Variants in L3MBTL3 observed in about 807,000 individuals in gnomAD.
The protein encoded by L3MBTL3 is L3MBTL histone methyl-lysine binding protein 3.
L3MBTL3 carries 27 observed loss-of-function variants against 102.3 expected under a neutral mutation model. The observed-to-expected ratio is 0.26, with a 90% CI of 0.19 to 0.36. The LOEUF (loss-of-function observed/expected upper bound fraction) is 0.36, where lower values mean the gene tolerates loss of function less well. Among genes scored for constraint, L3MBTL3 ranks in the 10% least tolerant of loss-of-function variants. The pLI is 1.00. For missense variants in L3MBTL3, 798 were observed against 955.3 expected, an observed-to-expected ratio of 0.84 and a Z score of 2.17; for synonymous variants, 340 against 320.9, an observed-to-expected ratio of 1.06 and a Z score of -0.64.
intron 20 of L3MBTL3, among the ~76,000 whole-genome samples, chr6:130,123,526 C>A (rs1473075064): frequency 6.6e-6 from 1 of 152,122 alleles, no homozygotes; most frequent in Admixed American, 6.6e-5. Context: ...TTTACTGTCT[C>A]ATCCAGCTGT....
chr6:130,080,299 A>T (rs1384377915), intron 14 of L3MBTL3, among the ~76,000 whole-genome samples: 1 of 151,914 alleles, frequency 6.6e-6, no homozygotes, highest in Non-Finnish European at 1.5e-5. Context: ...TAATGGTTTC[A>T]TGGTGCCAAA....
intron 19 of L3MBTL3, among the ~76,000 whole-genome samples, chr6:130,115,668 AAAAG>A (rs1401234236): frequency 1.3e-5 from 2 of 152,238 alleles, no homozygotes; most frequent in African/African-American, 2.4e-5. Flanking sequence ...ATTACAGAGA[AAAAG>A]AAAATACTGA....
Position 130,042,283 on chromosome 6 carries a change from T to G in L3MBTL3, c.-15-402T>G, listed in dbSNP as rs555864656. Among the ~76,000 whole-genome samples, 64 of 152,304 alleles carry G rather than the reference T, an allele frequency of 4.2e-4. 2 individuals are homozygous for G. The South Asian group carries it at 0.012, about 30-fold the overall frequency. ...TTTCCTATTTCCTAGAATAACAAATTGGCAGATTATCATTTATCCATACCT... is the reference window on the plus strand; with the variant it reads ...TTTCCTATTTCCTAGAATAACAAATGGGCAGATTATCATTTATCCATACCT... On this transcript the variant is annotated intron_variant, in intron 2 of 22. Transcript: ENST00000361794.
chr6:130,099,072 C>T lies in L3MBTL3; in HGVS notation c.1736+4705C>T, dbSNP rs552442897. Among the ~76,000 whole-genome samples the T allele has an allele frequency of 5.3e-5, 8 of 151,862 alleles. No individual in the cohort carries two copies. The South Asian group carries it at 8.3e-4, about 16-fold the overall frequency. ...ATTGGAGAACAGTGAATAAGGCATCCTTCTACCACACCTAATGAGCTGGAC... is the reference window on the plus strand; with the variant it reads ...ATTGGAGAACAGTGAATAAGGCATCTTTCTACCACACCTAATGAGCTGGAC... On this transcript the variant is annotated intron_variant, in intron 18 of 22. Transcript: ENST00000361794.
At chr6:130,068,185 A>G (rs1782391044) in intron 11 of L3MBTL3, 145 bp from the exon 12 acceptor site, 1 of 554,128 alleles carries the variant, frequency 1.8e-6, no homozygotes, top group Non-Finnish European at 3.3e-6. Context: ...CTAAATATGC[A>G]TAGTTATGAA....
intron 15 of L3MBTL3, among the ~76,000 whole-genome samples, chr6:130,085,500 T>TTCTTG (rs1395318818): frequency 3.9e-5 from 6 of 152,330 alleles, no homozygotes; most frequent in African/African-American, 9.6e-5. Context: ...TAAGAAAATT[T>TTCTTG]TCTTGTCTTC....
intron 18 of L3MBTL3, among the ~76,000 whole-genome samples, chr6:130,096,554 AG>A (rs1246199217): frequency 6.6e-6 from 1 of 152,188 alleles, no homozygotes; most frequent in Non-Finnish European, 1.5e-5. Flanking sequence ...TGGTCTCCTT[AG>A]GACTGCTTTA....
Position 130,060,209 on chromosome 6 carries a change from C to G in L3MBTL3, c.864+69C>G, listed in dbSNP as rs17078758. The G allele has an allele frequency of 1.8e-4, 167 of 904,750 alleles. No individual in the cohort carries two copies. In the African/African-American group the frequency reaches 2.7e-3, roughly 15 times the overall value. The allele number at this position is 904,750 out of a possible 1,614,324, so 56.0% of individuals were successfully genotyped here. A position where few individuals can be genotyped will look rare whatever the true frequency, so the allele number is the denominator to read the frequency against. On this transcript the variant is annotated intron_variant, in intron 10 of 22. Coordinates refer to ENST00000361794, the MANE Select transcript of L3MBTL3 (RefSeq NM_032438.4). ...TATGGGGATTTAAAATGAGGAAAAA[C>G]TGCCATTGGTTGTATTTCATGCCAG...
rs1487986858 is a variant in L3MBTL3 at position 130,094,378 on chromosome 6, GCTGTCACTC to G, written c.1736+12_1736+20del. 1.3e-6 allele frequency: 2 copies of G among 1,593,780 alleles called. No homozygotes were observed. Among genetic ancestry groups the G allele is most frequent in the Admixed American group, 3.3e-5 (2 of 59,802 alleles). On this transcript the variant is annotated intron_variant, in intron 18 of 22. Coordinates refer to ENST00000361794, the MANE Select transcript of L3MBTL3 (RefSeq NM_032438.4). ...TCTGGGCCCTCACAGGTATGTGGTAGCTGTCACTCACTTGGTCAGATATAGGTGTTCCAT... is the reference window on the plus strand; with the variant it reads ...TCTGGGCCCTCACAGGTATGTGGTAGACTTGGTCAGATATAGGTGTTCCAT...
At chr6:130,114,415 C>G (rs1315657714) in intron 19 of L3MBTL3, among the ~76,000 whole-genome samples, 2 of 152,186 alleles carry the variant, frequency 1.3e-5, no homozygotes, top group Admixed American at 6.5e-5. Flanking sequence ...GTTCTCTTTT[C>G]CACAACAACA....
intron 16 of L3MBTL3, among the ~76,000 whole-genome samples, chr6:130,089,484 G>T (rs1253171057): frequency 1.3e-5 from 2 of 152,074 alleles, no homozygotes; most frequent in Admixed American, 6.6e-5. Context: ...CATTTGGGTT[G>T]GTTCCAGGTC....
In L3MBTL3 at chr6:130,140,186, G is replaced by A. The variant is rs777482563; in HGVS notation, c.*433G>A. On this transcript the variant is annotated 3_prime_UTR_variant, in exon 23 of 23. Transcript: ENST00000361794. ...TCAAATTTCAATTTAAACCAAATTA[G>A]TCGAAACCTGGCTAAGTTTAGCCAG... 1 of 159,472 alleles carries A rather than the reference G, an allele frequency of 6.3e-6. No individual in the cohort carries two copies. Among genetic ancestry groups the A allele is most frequent in the African/African-American group, 2.4e-5 (1 of 41,444 alleles). 9.9% of individuals were successfully genotyped at this position (159,472 alleles called of 1,614,324 possible). A position where few individuals can be genotyped will look rare whatever the true frequency, so the allele number is the denominator to read the frequency against.
At chr6:130,068,509 A>C in intron 12 of L3MBTL3, 88 bp downstream of exon 12, 1 of 690,406 alleles carries the variant, frequency 1.4e-6, no homozygotes, top group Non-Finnish European at 2.6e-6. Flanking sequence ...ACAAGGAACT[A>C]TAATAAATTT....
At chr6:130,093,606 G>A (rs1367938476) in intron 17 of L3MBTL3, among the ~76,000 whole-genome samples, 4 of 152,162 alleles carry the variant, frequency 2.6e-5, no homozygotes, top group Admixed American at 6.5e-5. Context: ...AAACTATGCA[G>A]TAGTCACAAA....
chr6:130,080,012 T>C (rs1045819383), intron 14 of L3MBTL3, among the ~76,000 whole-genome samples: 1 of 152,138 alleles, frequency 6.6e-6, no homozygotes, highest in Non-Finnish European at 1.5e-5. Flanking sequence ...CTCAGCACTT[T>C]GGGAGGCTGA....
At chr6:130,047,052 T>G (rs1279826184) in intron 3 of L3MBTL3, among the ~76,000 whole-genome samples, 1 of 152,222 alleles carries the variant, frequency 6.6e-6, no homozygotes, top group Non-Finnish European at 1.5e-5. Flanking sequence ...TTGAAAATGT[T>G]TTGAGGTATT....
chr6:130,100,646 C>CAA (rs68109213), intron 18 of L3MBTL3, among the ~76,000 whole-genome samples: 7 of 126,368 alleles, frequency 5.5e-5, no homozygotes, highest in Non-Finnish European at 8.3e-5. Flanking sequence ...AATCTATTTT[C>CAA]AAAAAAAAAA....
intron 13 of L3MBTL3, among the ~76,000 whole-genome samples, chr6:130,075,784 A>G (rs188374048): frequency 7.2e-5 from 11 of 152,222 alleles, no homozygotes; most frequent in African/African-American, 2.6e-4. Context: ...GGTGGCACCA[A>G]GTCTCCTAGG....
intron 18 of L3MBTL3, among the ~76,000 whole-genome samples, chr6:130,100,332 T>G (rs576226148): frequency 1.3e-5 from 2 of 152,290 alleles, no homozygotes; most frequent in African/African-American, 4.8e-5. Context: ...CTCCCTGATG[T>G]CCGCCTCCAT....
Sources: gnomAD v4.1 joint callset for allele counts (sites outside exome capture counted in the v4.1 genomes callset) on GRCh38, gnomAD v4.1.1 for gene constraint, MANE v1.5 for transcripts, NCBI Gene and HGNC (gene_info 2026-07-23, HGNC 2026-07-21) for gene names.